The following SPHKAP variants were observed in gnomAD, a reference collection of about 807,000 sequenced individuals.
SPHKAP encodes SPHK1 interactor, AKAP domain containing.
In SPHKAP, 67 loss-of-function variants were observed where a neutral mutation model predicts 137.5. The ratio of observed to expected loss-of-function variants is 0.49; its 90% CI spans 0.40 to 0.60. The LOEUF (loss-of-function observed/expected upper bound fraction) is 0.60, where lower values mean the gene tolerates loss of function less well. Ranked by LOEUF, SPHKAP falls within the 20% of genes least tolerant of loss-of-function variation. SPHKAP has a pLI of 0.00. For synonymous variants in SPHKAP, 813 were observed against 785.3 expected (o/e 1.04, Z -0.59); for missense variants, 2,097 against 2,069.3 (o/e 1.01, Z -0.26).
At chr2:228,024,465 A>G (rs1423035569) in intron 5 of SPHKAP, among the ~76,000 whole-genome samples, 1 of 152,088 alleles carries the variant, frequency 6.6e-6, no homozygotes, top group African/African-American at 2.4e-5. Context: ...TTCATGTAAA[A>G]CTTATAGGAC....
In SPHKAP at chr2:228,055,142, C is replaced by CAA. The variant is rs58091970; in HGVS notation, c.247-27601_247-27600dup. Among the ~76,000 whole-genome samples the CAA allele has an allele frequency of 4.1e-3, 250 of 61,310 alleles. 7 individuals are homozygous for CAA. The highest frequency in any genetic ancestry group is 0.02 in the Middle Eastern group (2 of 102). The allele number at this position is 61,310 out of a possible 152,430, so 40.2% of individuals were successfully genotyped here. A position where few individuals can be genotyped will look rare whatever the true frequency, so the allele number is the denominator to read the frequency against. On this transcript the variant is annotated intron_variant, in intron 3 of 11. Coordinates refer to ENST00000392056, the MANE Select transcript of SPHKAP (RefSeq NM_001142644.2). Reference sequence around the variant, plus strand: ...GGGCAAAAAGAGTGAAACTCCACTCCAAAAAAAAAAAAAAAAAGTGGTTTG... The same window carrying CAA: ...GGGCAAAAAGAGTGAAACTCCACTCCAAAAAAAAAAAAAAAAAAAGTGGTTTG...
chr2:228,046,950 C>A (rs2106266983), intron 3 of SPHKAP, among the ~76,000 whole-genome samples: 1 of 152,216 alleles, frequency 6.6e-6, no homozygotes, highest in Admixed American at 6.5e-5. Flanking sequence ...TTAACATTTT[C>A]CCACTTGAAA....
chr2:228,147,571 G>T (rs952166360), intron 1 of SPHKAP, among the ~76,000 whole-genome samples: 31 of 152,172 alleles, frequency 2.0e-4, no homozygotes, highest in African/African-American at 7.0e-4. Flanking sequence ...GAAGTCAGAA[G>T]ACTGGAACTT....
At chr2:228,088,822 C>G (rs1434555560) in intron 3 of SPHKAP, among the ~76,000 whole-genome samples, 2 of 152,302 alleles carry the variant, frequency 1.3e-5, no homozygotes, top group South Asian at 4.1e-4. Flanking sequence ...CTTCTTAAGG[C>G]CTCACCAGAA....
At chr2:228,158,682 A>G (rs1393921694) in intron 1 of SPHKAP, among the ~76,000 whole-genome samples, 1 of 152,196 alleles carries the variant, frequency 6.6e-6, no homozygotes, top group Non-Finnish European at 1.5e-5. Context: ...TTATATTCTC[A>G]CTGCAGATCT....
At chr2:228,099,658 C>T (rs1347110581) in intron 3 of SPHKAP, among the ~76,000 whole-genome samples, 2 of 152,144 alleles carry the variant, frequency 1.3e-5, no homozygotes, top group Admixed American at 1.3e-4. Context: ...AATCCATGAG[C>T]ATAGGATGAT....
chr2:228,026,090 TC>T (rs771795201), intron 4 of SPHKAP, among the ~76,000 whole-genome samples: 17 of 152,160 alleles, frequency 1.1e-4, no homozygotes, highest in Non-Finnish European at 2.4e-4. Flanking sequence ...ACAAGCTCTC[TC>T]TTTGCCTGCT....
chr2:228,109,156 A>AAC (rs912700335), intron 2 of SPHKAP, among the ~76,000 whole-genome samples: 1 of 152,194 alleles, frequency 6.6e-6, no homozygotes, highest in Non-Finnish European at 1.5e-5. Flanking sequence ...CATTAATGTT[A>AAC]ACACAGATGT....
At chr2:228,067,900 A>G (rs1270663566) in intron 3 of SPHKAP, among the ~76,000 whole-genome samples, 2 of 152,236 alleles carry the variant, frequency 1.3e-5, no homozygotes, top group African/African-American at 4.8e-5. Flanking sequence ...GAAAAGAGAA[A>G]GAAATCAAGG....
chr2:228,139,143 T>C (rs569788264), intron 1 of SPHKAP, among the ~76,000 whole-genome samples: 69 of 152,344 alleles, frequency 4.5e-4, no homozygotes, highest in African/African-American at 1.6e-3. Flanking sequence ...CTTAGTATTG[T>C]TATTTCATTT....
intron 3 of SPHKAP, 113 bp downstream of exon 3, chr2:228,108,719 T>G: frequency 1.4e-6 from 1 of 701,082 alleles, no homozygotes; most frequent in Admixed American, 3.1e-5. Flanking sequence ...TTCAAAGGAA[T>G]ATTTTCTCAA....
At chr2:228,081,979 G>T (rs1047701698) in intron 3 of SPHKAP, among the ~76,000 whole-genome samples, 1 of 152,130 alleles carries the variant, frequency 6.6e-6, no homozygotes, top group African/African-American at 2.4e-5. Flanking sequence ...ACAATGTGAG[G>T]TAATGTGTAT....
chr2:228,069,647 G>T (rs1301008958), intron 3 of SPHKAP, among the ~76,000 whole-genome samples: 1 of 151,686 alleles, frequency 6.6e-6, no homozygotes, highest in Non-Finnish European at 1.5e-5. Context: ...AACCATCAAG[G>T]TTCTTGTTTG....
chr2:228,112,645 A>G (rs923409731), intron 2 of SPHKAP, among the ~76,000 whole-genome samples: 1 of 152,058 alleles, frequency 6.6e-6, no homozygotes, highest in African/African-American at 2.4e-5. Flanking sequence ...AAGATTCCAG[A>G]GCTATGAAAG....
intron 3 of SPHKAP, among the ~76,000 whole-genome samples, chr2:228,102,610 G>A (rs987869271): frequency 2.0e-4 from 31 of 152,114 alleles, no homozygotes; most frequent in African/African-American, 5.1e-4. Context: ...GTTGATAAAC[G>A]TATGGAGTAA....
At chr2:228,108,759 G>C (rs1698419808) in intron 3 of SPHKAP, 73 bp downstream of exon 3, 3 of 964,780 alleles carry the variant, frequency 3.1e-6, no homozygotes, top group Non-Finnish European at 4.7e-6. Flanking sequence ...TGAAACTTTT[G>C]GTCCTAAACA....
At chr2:228,134,410 G>C (rs1212764076) in intron 1 of SPHKAP, among the ~76,000 whole-genome samples, 1 of 152,166 alleles carries the variant, frequency 6.6e-6, no homozygotes, top group Non-Finnish European at 1.5e-5. Context: ...GGACTAAAGT[G>C]TGTGGTTCCC....
chr2:228,158,661 T>C (rs1323783670), intron 1 of SPHKAP, among the ~76,000 whole-genome samples: 1 of 152,246 alleles, frequency 6.6e-6, no homozygotes, highest in African/African-American at 2.4e-5. Flanking sequence ...TCTAAGATTT[T>C]CAGTCTAGAT....
intron 9 of SPHKAP, 194 bp from the exon 10 acceptor site, chr2:227,991,520 G>C: frequency 1.0e-6 from 1 of 985,394 alleles, no homozygotes; most frequent in Non-Finnish European, 1.2e-6. Context: ...TGCAATAAAT[G>C]TCCTCCTCCA....
Sources: gnomAD v4.1 joint callset for allele counts (sites outside exome capture counted in the v4.1 genomes callset) on GRCh38, gnomAD v4.1.1 for gene constraint, MANE v1.5 for transcripts, NCBI Gene and HGNC (gene_info 2026-07-23, HGNC 2026-07-21) for gene names.